CCDC102B: variants seen among roughly 807,000 people sequenced by gnomAD.
CCDC102B encodes coiled-coil domain-containing protein 102B.
Under a neutral mutation model 57.4 loss-of-function variants are expected in CCDC102B, and 75 were observed. The ratio of observed to expected loss-of-function variants is 1.31; its 90% CI spans 1.08 to 1.58. The LOEUF (loss-of-function observed/expected upper bound fraction) is 1.58, where lower values mean the gene tolerates loss of function less well. CCDC102B is among the 40% of genes most tolerant of loss of function. CCDC102B has a pLI of 0.00. For synonymous variants in CCDC102B, 206 were observed against 201.9 expected (o/e 1.02, Z -0.17); for missense variants, 636 against 582.6 (o/e 1.09, Z -0.94).
chr18:68,774,097 G>A (rs550977279), intron 2 of CCDC102B, among the ~76,000 whole-genome samples: 4 of 151,804 alleles, frequency 2.6e-5, no homozygotes, highest in African/African-American at 9.7e-5. Flanking sequence ...TCTGCAATAG[G>A]CACCTTTGAA....
chr18:68,784,613 G>C (rs1156646217), intron 2 of CCDC102B, among the ~76,000 whole-genome samples: 1 of 152,070 alleles, frequency 6.6e-6, no homozygotes, highest in African/African-American at 2.4e-5. Flanking sequence ...TAAAGAATAT[G>C]TTTTACCACT....
At chr18:68,971,659 AT>A (rs1197534996) in intron 6 of CCDC102B, among the ~76,000 whole-genome samples, 1 of 152,166 alleles carries the variant, frequency 6.6e-6, no homozygotes, top group Non-Finnish European at 1.5e-5. Flanking sequence ...CACAGAGAAA[AT>A]TGTGTAAGCC....
chr18:68,825,483 A>G (rs1391900595), intron 1 of CCDC102B, among the ~76,000 whole-genome samples: 1 of 152,152 alleles, frequency 6.6e-6, no homozygotes, highest in African/African-American at 2.4e-5. Flanking sequence ...TGAAGCCAGG[A>G]GTTGGAGACC....
chr18:68,736,961 C>A (rs751806752), intron 2 of CCDC102B, among the ~76,000 whole-genome samples: 6 of 151,636 alleles, frequency 4.0e-5, no homozygotes, highest in Admixed American at 3.3e-4. Context: ...GTGTGTGTGG[C>A]GAGTGACGAT....
At chr18:69,051,016 C>T (rs2052690857) in intron 7 of CCDC102B, among the ~76,000 whole-genome samples, 1 of 152,074 alleles carries the variant, frequency 6.6e-6, no homozygotes, top group African/African-American at 2.4e-5. Flanking sequence ...TACCAAGTAG[C>T]TGAGACTACA....
intron 6 of CCDC102B, chr18:68,993,390 C>T (rs1213795368): frequency 6.6e-6 from 1 of 152,212 alleles, no homozygotes; most frequent in Non-Finnish European, 1.5e-5. Flanking sequence ...CAGATTGTCA[C>T]ATATTCTTTA....
chr18:68,810,081 T>C (rs2036185418), intron 1 of CCDC102B, among the ~76,000 whole-genome samples: 1 of 152,052 alleles, frequency 6.6e-6, no homozygotes, highest in South Asian at 2.1e-4. Flanking sequence ...TGTATAAAGA[T>C]TTTTTAGTCA....
chr18:68,825,118 G>T (rs2036855823), intron 1 of CCDC102B, among the ~76,000 whole-genome samples: 1 of 152,136 alleles, frequency 6.6e-6, no homozygotes, highest in African/African-American at 2.4e-5. Context: ...ATTTACGGAA[G>T]TTACTCTTAT....
At chr18:69,046,991 T>A (rs1016048140) in intron 7 of CCDC102B, among the ~76,000 whole-genome samples, 8 of 152,154 alleles carry the variant, frequency 5.3e-5, no homozygotes, top group African/African-American at 9.7e-5. Flanking sequence ...CTGTTTTGGT[T>A]ACTGTAGCCT....
intron 7 of CCDC102B, 62 bp downstream of exon 7, chr18:69,011,166 A>G (rs1457636733): frequency 1.4e-6 from 2 of 1,403,970 alleles, no homozygotes; most frequent in African/African-American, 2.9e-5. Context: ...GAGCATATCT[A>G]AAGATTGTCT....
chr18:68,791,983 T>C (rs533666882), intron 2 of CCDC102B, among the ~76,000 whole-genome samples: 1 of 152,310 alleles, frequency 6.6e-6, no homozygotes, highest in South Asian at 2.1e-4. Context: ...TACTGGTAGC[T>C]AGTAGGTGGC....
intron 6 of CCDC102B, among the ~76,000 whole-genome samples, chr18:68,958,703 TTC>T (rs1368981358): frequency 6.6e-6 from 1 of 152,176 alleles, no homozygotes; most frequent in Non-Finnish European, 1.5e-5. Flanking sequence ...TTCTTCTGTC[TTC>T]TCTGATTGTG....
chr18:68,791,390 C>T (rs1468837165), intron 2 of CCDC102B, among the ~76,000 whole-genome samples: 8 of 152,078 alleles, frequency 5.3e-5, no homozygotes, highest in African/African-American at 1.9e-4. Context: ...CAGTGCTTAG[C>T]CTTATTGATT....
intron 2 of CCDC102B, among the ~76,000 whole-genome samples, chr18:68,786,311 C>G (rs2035209342): frequency 6.6e-6 from 1 of 150,630 alleles, no homozygotes; most frequent in Non-Finnish European, 1.5e-5. Flanking sequence ...GCAATGCGGG[C>G]TCTTTTTTGG....
chr18:68,858,398 G>A (rs2038580821), intron 4 of CCDC102B, among the ~76,000 whole-genome samples: 1 of 152,076 alleles, frequency 6.6e-6, no homozygotes, highest in South Asian at 2.1e-4. Context: ...TATGCTTGGA[G>A]TTTGTTGAAA....
intron 2 of CCDC102B, among the ~76,000 whole-genome samples, chr18:68,747,828 G>C (rs185350216): frequency 1.7e-3 from 266 of 152,244 alleles, no homozygotes; most frequent in African/African-American, 6.2e-3. Context: ...ATGAACATGG[G>C]AGTTCAGATG....
Position 69,038,555 on chromosome 18 carries a change from A to G in CCDC102B, c.1435-15475A>G, listed in dbSNP as rs548381106. On this transcript the variant is annotated intron_variant, in intron 7 of 7. Transcript: ENST00000360242. ...ATACCTTCTTTAAAAGATGAACTAT[A>G]CAAACATAAAGATAAAAATGTAAAG... 8.1e-4 allele frequency among the ~76,000 whole-genome samples: 123 copies of G among 152,084 alleles called. 1 individual carries two copies. The South Asian group carries it at 0.022, about 28-fold the overall frequency.
chr18:68,837,941 C>T (rs1490078564), intron 2 of CCDC102B, among the ~76,000 whole-genome samples: 3 of 152,090 alleles, frequency 2.0e-5, no homozygotes, highest in Admixed American at 1.3e-4. Context: ...AATGAATCAT[C>T]CTAGGTAACC....
At chr18:68,894,897 CTTG>C (rs1393371737) in intron 5 of CCDC102B, among the ~76,000 whole-genome samples, 2 of 151,754 alleles carry the variant, frequency 1.3e-5, no homozygotes, top group Non-Finnish European at 3.0e-5. Flanking sequence ...CTTGGTTCTA[CTTG>C]TTATCTGTTA....
Sources: gnomAD v4.1 joint callset for allele counts (sites outside exome capture counted in the v4.1 genomes callset) on GRCh38, gnomAD v4.1.1 for gene constraint, MANE v1.5 for transcripts, NCBI Gene and HGNC (gene_info 2026-07-23, HGNC 2026-07-21) for gene names.